Variants in SLC34A1 observed in about 807,000 individuals in gnomAD.
The protein encoded by SLC34A1 is solute carrier family 34 member 1.
A neutral mutation model predicts 51.4 loss-of-function variants in SLC34A1; 57 were observed. The observed-to-expected ratio is 1.11, with a 90% CI of 0.90 to 1.38. The LOEUF (loss-of-function observed/expected upper bound fraction) is 1.38. SLC34A1 is among the 40% of genes most tolerant of loss of function. The probability of loss-of-function intolerance (pLI) is 0.00; values close to 1 mark genes in which losing one functional copy is unlikely to be tolerated. For missense variants in SLC34A1, 796 were observed against 835.6 expected, an observed-to-expected ratio of 0.95 and a Z score of 0.58; for synonymous variants, 368 against 358.0, an observed-to-expected ratio of 1.03 and a Z score of -0.32.
At chr5:177,397,576 T>C (rs966579517) in intron 12 of SLC34A1, 2 of 651,764 alleles carry the variant, frequency 3.1e-6, no homozygotes, top group Admixed American at 5.1e-5. Context: ...CAGTAGTTAT[T>C]TACCAACTGG....
rs1467934099 is a variant in SLC34A1, at chr5:177,388,264, ATC to A, written c.841-11_841-10del. 6.2e-7 allele frequency: 1 copy of A among 1,614,114 alleles called. No homozygotes were observed. The highest frequency in any genetic ancestry group is 1.1e-5 in the South Asian group (1 of 91,076). The stretch of plus-strand genomic sequence containing the variant: ...AGCCTCCTTCACTCCCCCTGCCCAC[ATC>A]TTGCCCACAGCTGGACGAGTCTGTG... On this transcript the variant is annotated splice_polypyrimidine_tract_variant and intron_variant, in intron 7 of 12. Coordinates refer to ENST00000324417, the MANE Select transcript of SLC34A1 (RefSeq NM_003052.5). This position sits in a 1 kb window ranked among gnomAD's most constrained non-coding sequence, Gnocchi z 4.3.
In SLC34A1 at chr5:177,386,589, G is replaced by A; in HGVS notation, c.532+23G>A. On this transcript the variant is annotated intron_variant, in intron 5 of 12. Transcript: ENST00000324417. The surrounding 1 kb of genome is among the most constrained non-coding windows in gnomAD (Gnocchi z 4.8). Reference sequence around the variant, plus strand: ...GCTGTGAGTTGGCCCACCAGGGTGGGGAAGAGCTTGGAGGGGCACCCCAGG... The same window carrying A: ...GCTGTGAGTTGGCCCACCAGGGTGGAGAAGAGCTTGGAGGGGCACCCCAGG... 1.2e-6 allele frequency: 2 copies of A among 1,613,172 alleles called. No homozygotes were observed. Among genetic ancestry groups the A allele is most frequent in the Non-Finnish European group, 1.7e-6 (2 of 1,179,920 alleles).
Position 177,386,267 on chromosome 5 carries a change from C to T in SLC34A1, c.306C>T (p.Leu102=), listed in dbSNP as rs201589830. Reference sequence around the variant, plus strand: ...TGCGCCAGGCTGGCGCCATGCTGCTCAAGGTGCCACTGATGCTCACCTTCC... The same window carrying T: ...TGCGCCAGGCTGGCGCCATGCTGCTTAAGGTGCCACTGATGCTCACCTTCC... ...PKLRQAGAML[L]KVPLMLTFLY... Residue 102 remains leucine, a synonymous_variant, in exon 4 of 13, where the codon CTC becomes CTT. Transcript: ENST00000324417. The surrounding 1 kb of genome is among the most constrained non-coding windows in gnomAD (Gnocchi z 4.8). 97 of 1,614,226 alleles carry T rather than the reference C, an allele frequency of 6.0e-5. No homozygotes were observed. The South Asian group carries it at 9.9e-4, about 16-fold the overall frequency.
chr5:177,386,680 C>T lies in SLC34A1; in HGVS notation c.532+114C>T, dbSNP rs868088839. The T allele has an allele frequency of 7.9e-7, 1 of 1,265,874 alleles. No homozygotes were observed. The highest frequency in any genetic ancestry group is 1.1e-6 in the Non-Finnish European group (1 of 880,932). The allele number at this position is 1,265,874 out of a possible 1,614,324, so 78.4% of individuals were successfully genotyped here. A position where few individuals can be genotyped will look rare whatever the true frequency, so the allele number is the denominator to read the frequency against. On this transcript the variant is annotated intron_variant, in intron 5 of 12. Transcript: ENST00000324417. The surrounding 1 kb of genome is among the most constrained non-coding windows in gnomAD (Gnocchi z 4.8). ...GGCTGGCCTCCATTCAGCTTGACTC[C>T]TGTATCAGCCAGGGACATGAGAGGA...
At chr5:177,397,392 C>T (rs1268039908) in intron 12 of SLC34A1, 3 of 488,366 alleles carry the variant, frequency 6.1e-6, no homozygotes, top group Admixed American at 6.6e-5. Context: ...GGGTCAAGGC[C>T]GCAAATGGCA....
intron 10 of SLC34A1, among the ~76,000 whole-genome samples, chr5:177,395,318 T>A (rs1238141629): frequency 6.6e-6 from 1 of 152,162 alleles, no homozygotes; most frequent in African/African-American, 2.4e-5. Context: ...AATGCGCTGT[T>A]TGAGGCCGCT....
chr5:177,394,879 G>A (rs1205025772), intron 10 of SLC34A1, among the ~76,000 whole-genome samples: 4 of 151,840 alleles, frequency 2.6e-5, no homozygotes, highest in African/African-American at 4.8e-5. Context: ...ATTTTTAGTC[G>A]AGACAGGGTT....
intron 8 of SLC34A1, among the ~76,000 whole-genome samples, chr5:177,391,508 G>A (rs937966807): frequency 1.3e-5 from 2 of 152,316 alleles, no homozygotes; most frequent in Non-Finnish European, 1.5e-5. Flanking sequence ...GGTCAGTGGG[G>A]CACACGTTGA....
At chr5:177,390,102 A>T (rs993912167) in intron 8 of SLC34A1, 157 of 1,102,092 alleles carry the variant, frequency 1.4e-4, no homozygotes, top group Non-Finnish European at 1.2e-4. Context: ...GACGGGCCAC[A>T]GAGTCTCCCC....
At chr5:177,397,178 C>A (rs1353245179) in intron 12 of SLC34A1, 104 bp downstream of exon 12, 6 of 1,437,886 alleles carry the variant, frequency 4.2e-6, no homozygotes, top group Non-Finnish European at 5.7e-6. Context: ...TGACTGCCTA[C>A]TAAGGGCCAC....
Position 177,388,282 on chromosome 5 carries a change from C to T in SLC34A1, c.846C>T (p.Asp282=), listed in dbSNP as rs1050476708. 8.1e-6 allele frequency: 13 copies of T among 1,614,034 alleles called. No homozygotes were observed. Among genetic ancestry groups the T allele is most frequent in the Admixed American group, 1.7e-5 (1 of 60,002 alleles). The change falls in exon 8 of 13, where the codon GAC becomes GAT. Residue 282 remains aspartate, a synonymous_variant. Transcript: ENST00000324417. This position sits in a 1 kb window ranked among gnomAD's most constrained non-coding sequence, Gnocchi z 4.3. ...EPFTKLIIQL[D]ESVITSIATG... ...TGCCCACATCTTGCCCACAGCTGGA[C>T]GAGTCTGTGATAACCAGCATTGCCA...
At position 177,387,797 on chromosome 5, in the gene SLC34A1, G is replaced by C. The variant is rs757065350; in HGVS notation, c.568G>C (p.Gly190Arg). 6.2e-7 allele frequency: 1 copy of C among 1,613,936 alleles called. No homozygotes were observed. Among genetic ancestry groups the C allele is most frequent in the Non-Finnish European group, 8.5e-7 (1 of 1,179,984 alleles). ...GAGCTCTGCCATCCCCATCATCATG[G>C]GCTCCAACATCGGCACCTCTGTCAC... ...EVSSAIPIIM[G>R]SNIGTSVTNT... The change falls in exon 6 of 13, where the codon GGC (glycine) becomes CGC (arginine). Residue 190 changes from glycine (G) to arginine (R), a missense_variant. Gly to Arg is a moderately radical substitution (Grantham distance 125). Transcript: ENST00000324417.
At chr5:177,392,344 C>T (rs1762834543) in intron 8 of SLC34A1, among the ~76,000 whole-genome samples, 1 of 152,126 alleles carries the variant, frequency 6.6e-6, no homozygotes, top group South Asian at 2.1e-4. Flanking sequence ...GGGCCTGTAA[C>T]CCTAGCTACT....
chr5:177,389,187 A>G (rs1322371037), intron 8 of SLC34A1, among the ~76,000 whole-genome samples: 8 of 152,160 alleles, frequency 5.3e-5, no homozygotes, highest in Admixed American at 3.3e-4. Flanking sequence ...GAAGCAGGCA[A>G]TTAGCACACT....
At chr5:177,392,499 C>A (rs1762839179) in intron 8 of SLC34A1, among the ~76,000 whole-genome samples, 1 of 152,030 alleles carries the variant, frequency 6.6e-6, no homozygotes, top group South Asian at 2.1e-4. Context: ...AACTTCTTAA[C>A]CCAACAAGGC....
chr5:177,393,937 G>T, intron 9 of SLC34A1, 91 bp from the exon 10 acceptor site: 1 of 1,563,186 alleles, frequency 6.4e-7, no homozygotes, highest in Non-Finnish European at 8.8e-7. Context: ...GCCTGAGATG[G>T]GGCCTTAGGA....
intron 8 of SLC34A1, chr5:177,389,584 C>T (rs763864116): frequency 6.5e-7 from 1 of 1,535,064 alleles, no homozygotes; most frequent in East Asian, 2.4e-5. Context: ...TTCTCACGAG[C>T]TCTCTGAGCA....
chr5:177,397,786 G>T lies in SLC34A1; in HGVS notation c.1420G>T (p.Ala474Ser). The change falls in exon 13 of 13, where the codon GCC (alanine) becomes TCC (serine). Residue 474 changes from alanine to serine, a missense_variant. Transcript: ENST00000324417. ...CCCTCTGCCTCATCCCCTGCAGATT[G>T]CCCTCTGTCACTTCTTCTTCAACAT... ...REKLSSAFQI[A>S]LCHFFFNISG... 1 of 1,609,060 alleles carries T rather than the reference G, an allele frequency of 6.2e-7. No individual in the cohort carries two copies.
chr5:177,394,068 T>G lies in SLC34A1; in HGVS notation c.1047T>G (p.Ala349=), dbSNP rs780233401. 1 of 1,614,086 alleles carries G rather than the reference T, an allele frequency of 6.2e-7. No homozygotes were observed. The change falls in exon 10 of 13, where the codon GCT becomes GCG. Residue 349 remains alanine (A), a synonymous_variant. Coordinates refer to ENST00000324417, the MANE Select transcript of SLC34A1 (RefSeq NM_003052.5). The stretch of plus-strand genomic sequence containing the variant: ...TGGACACTGGCCTACCGGACCTGGC[T>G]GTGGGGCTCATCCTGCTGGCAGGAT... The part of the protein sequence containing the change: ...IFVDTGLPDL[A]VGLILLAGSL...
Sources: allele counts gnomAD v4.1 joint callset (sites outside exome capture counted in the v4.1 genomes callset), GRCh38; gene constraint gnomAD v4.1.1; non-coding constraint Gnocchi (gnomAD v3.1); transcripts MANE v1.5; gene names NCBI Gene and HGNC (gene_info 2026-07-23, HGNC 2026-07-21).